The following PRKD3 variants were observed in gnomAD, a reference collection of about 807,000 sequenced individuals.
PRKD3 encodes serine/threonine-protein kinase D3.
Under a neutral mutation model 99.2 loss-of-function variants are expected in PRKD3, and 47 were observed. The observed-to-expected ratio is 0.47, with a 90% CI of 0.38 to 0.60. PRKD3 has a LOEUF of 0.60. Among genes scored for constraint, PRKD3 ranks in the 20% least tolerant of loss-of-function variants. The pLI is 0.00. For missense variants in PRKD3, 1,019 were observed against 1,088.4 expected (o/e 0.94, Z 0.90); for synonymous variants, 392 against 355.4 (o/e 1.10, Z -1.16).
chr2:37,303,936 T>C (rs1466875572), intron 2 of PRKD3, among the ~76,000 whole-genome samples: 1 of 152,108 alleles, frequency 6.6e-6, no homozygotes, highest in Non-Finnish European at 1.5e-5. Context: ...TACAGAATAT[T>C]ATCAGCATCA....
At chr2:37,257,670 AG>A (rs1303370990) in intron 16 of PRKD3, among the ~76,000 whole-genome samples, 670 of 25,926 alleles carry the variant, frequency 0.026, 25 homozygotes, top group African/African-American at 0.1. Flanking sequence ...CTGTCTCAAA[AG>A]AAAAAAAAAA....
In PRKD3 at chr2:37,260,470, G is replaced by A. The variant is rs886168123; in HGVS notation, c.1885-86C>T. The A allele has an allele frequency of 7.3e-6, 9 of 1,225,488 alleles. No individual in the cohort carries two copies. In the East Asian group the frequency reaches 2.2e-4, roughly 30 times the overall value. The allele number at this position is 1,225,488 out of a possible 1,614,324, so 75.9% of individuals were successfully genotyped here. ...TAGATGTGCTATGATTGTCTGAAAT[G>A]GCACAGAAAGAAAGCCTAGAGAAGT... is the stretch of plus-strand genomic sequence containing the variant. On this transcript the variant is annotated intron_variant, in intron 14 of 18. Transcript: ENST00000234179.
intron 5 of PRKD3, among the ~76,000 whole-genome samples, chr2:37,288,742 T>C (rs1670238905): frequency 6.6e-6 from 1 of 152,230 alleles, no homozygotes; most frequent in Admixed American, 6.5e-5. Context: ...TTAGCTGCTC[T>C]GTGTCTCAAC....
rs572943823 is a variant in PRKD3, at chr2:37,308,592, T to C, written c.288+7645A>G. ...GCCTCAGCCTCCCGAGTAGTTGGGA[T>C]TATAGGCACCTGCCACCACACCTGG... On this transcript the variant is annotated intron_variant, in intron 2 of 18. Transcript: ENST00000234179. Among the ~76,000 whole-genome samples the C allele has an allele frequency of 2.2e-5, 3 of 134,658 alleles. No individual in the cohort carries two copies. The South Asian group carries it at 7.7e-4, about 35-fold the overall frequency. 88.3% of individuals were successfully genotyped at this position (134,658 alleles called of 152,430 possible). A position where few individuals can be genotyped will look rare whatever the true frequency, so the allele number is the denominator to read the frequency against.
chr2:37,261,253 G>A (rs559073297), intron 14 of PRKD3, among the ~76,000 whole-genome samples: 30 of 150,710 alleles, frequency 2.0e-4, no homozygotes, highest in Admixed American at 3.3e-4. Flanking sequence ...TTGGGAAGCC[G>A]AGGCAGGTGG....
At chr2:37,301,609 T>C (rs1470289602) in intron 2 of PRKD3, among the ~76,000 whole-genome samples, 1 of 152,114 alleles carries the variant, frequency 6.6e-6, no homozygotes, top group Non-Finnish European at 1.5e-5. Context: ...CTTAATTACA[T>C]TTGTGACTCT....
chr2:37,270,230 GA>G (rs1004967181), intron 12 of PRKD3, among the ~76,000 whole-genome samples: 30 of 131,084 alleles, frequency 2.3e-4, no homozygotes, highest in African/African-American at 3.7e-4. Flanking sequence ...TCCATCTCAA[GA>G]AAAAAAAAAA....
intron 6 of PRKD3, among the ~76,000 whole-genome samples, chr2:37,284,442 C>G (rs1484391745): frequency 6.6e-6 from 1 of 152,122 alleles, no homozygotes; most frequent in East Asian, 1.9e-4. Context: ...CTACAAAATA[C>G]TGTACTTTTC....
chr2:37,275,232 C>T (rs1669509537), intron 10 of PRKD3, among the ~76,000 whole-genome samples: 1 of 152,038 alleles, frequency 6.6e-6, no homozygotes, highest in South Asian at 2.1e-4. Context: ...AAAAAAACAC[C>T]TGCTCAAAGC....
chr2:37,312,021 CAT>C lies in PRKD3; in HGVS notation c.288+4214_288+4215del, dbSNP rs921189515. The stretch of plus-strand genomic sequence containing the variant: ...TTTGTAAACATCCTGATCCTTGTAA[CAT>C]GTGGCCTATTGTAAAAGATTTTTTA... On this transcript the variant is annotated intron_variant, in intron 2 of 18. Coordinates refer to ENST00000234179, the MANE Select transcript of PRKD3 (RefSeq NM_005813.6). 2.2e-4 allele frequency among the ~76,000 whole-genome samples: 34 copies of C among 152,214 alleles called. 1 individual carries two copies. The highest frequency in any genetic ancestry group is 8.2e-4 in the African/African-American group (34 of 41,460).
At chr2:37,311,019 A>G (rs980169251) in intron 2 of PRKD3, among the ~76,000 whole-genome samples, 1 of 152,186 alleles carries the variant, frequency 6.6e-6, no homozygotes. Flanking sequence ...CACCACTAGG[A>G]AGCAGAATCA....
intron 8 of PRKD3, 57 bp downstream of exon 8, chr2:37,279,689 T>C (rs1669743528): frequency 1.5e-6 from 2 of 1,334,508 alleles, no homozygotes; most frequent in Non-Finnish European, 2.0e-6. Flanking sequence ...TTTTTCTTAA[T>C]GAGATCCTGA....
chr2:37,316,601 G>C lies in PRKD3; in HGVS notation c.-77C>G. The C allele has an allele frequency of 6.6e-7, 1 of 1,525,526 alleles. No homozygotes were observed. The highest frequency in any genetic ancestry group is 8.8e-7 in the Non-Finnish European group (1 of 1,141,572). 94.5% of individuals were successfully genotyped at this position (1,525,526 alleles called of 1,614,324 possible). A position where few individuals can be genotyped will look rare whatever the true frequency, so the allele number is the denominator to read the frequency against. ...TGAAGAGGTTTTTAAAATAACAGCA[G>C]TAAAGAAAATGACCGCACTTTTGGA... On this transcript the variant is annotated 5_prime_UTR_variant, in exon 2 of 19. Transcript: ENST00000234179.
intron 5 of PRKD3, among the ~76,000 whole-genome samples, chr2:37,287,262 A>AAAAAGAAAAAG (rs1670155804): frequency 1.2e-5 from 1 of 80,414 alleles, no homozygotes; most frequent in Non-Finnish European, 2.2e-5. Context: ...AAAAAAAAAA[A>AAAAAGAAAAAG]AAAAAGAAAA....
intron 14 of PRKD3, among the ~76,000 whole-genome samples, chr2:37,260,979 CT>C (rs1668393363): frequency 6.6e-6 from 1 of 152,166 alleles, no homozygotes; most frequent in Non-Finnish European, 1.5e-5. Flanking sequence ...AGCAATTTAT[CT>C]TTTGTTCTAC....
In PRKD3 at chr2:37,290,930, G is replaced by A. The variant is rs1353722459; in HGVS notation, c.497C>T (p.Thr166Ile). 1 of 1,603,540 alleles carries A rather than the reference G, an allele frequency of 6.2e-7. No individual in the cohort carries two copies. The highest frequency in any genetic ancestry group is 1.7e-5 in the Admixed American group (1 of 59,984). The change falls in exon 4 of 19, where the codon ACT (threonine) becomes ATT (isoleucine). Residue 166 changes from threonine (T) to isoleucine (I), a missense_variant. Around this residue, in one of 3 missense-constraint regions of PRKD3, gnomAD observed 710 missense variants for 692.7 expected, o/e 1.02. Coordinates refer to ENST00000234179, the MANE Select transcript of PRKD3 (RefSeq NM_005813.6). ...CATCTCACCACAGTAATCACAGAAA[G>A]TAGGAGCTTTGTAAGAATGTACATA... ...TLYVHSYKAP[T>I]FCDYCGEMLW...
At chr2:37,290,779 C>T in intron 4 of PRKD3, 89 bp downstream of exon 4, 4 of 1,392,022 alleles carry the variant, frequency 2.9e-6, no homozygotes, top group Non-Finnish European at 3.9e-6. Context: ...CCCTAGTCAA[C>T]AGCTCGTCAT....
At position 37,251,614 on chromosome 2, in the gene PRKD3, T is replaced by C. The variant is rs1667501134; in HGVS notation, c.*1563A>G. The C allele has an allele frequency of 1.3e-5, 2 of 152,178 alleles. No individual in the cohort carries two copies. The highest frequency in any genetic ancestry group is 4.8e-5 in the African/African-American group (2 of 41,396). 9.4% of individuals were successfully genotyped at this position (152,178 alleles called of 1,614,324 possible). On this transcript the variant is annotated 3_prime_UTR_variant, in exon 19 of 19. Coordinates refer to ENST00000234179, the MANE Select transcript of PRKD3 (RefSeq NM_005813.6). Reference sequence around the variant, plus strand: ...CTCAGTCTGTTCATGTACCAGAACATTCTTTTTTTTTTTTGCTACCTCAAA... The same window carrying C: ...CTCAGTCTGTTCATGTACCAGAACACTCTTTTTTTTTTTTGCTACCTCAAA...
At chr2:37,322,694 C>T (rs1671936902) in intron 1 of PRKD3, among the ~76,000 whole-genome samples, 2 of 152,128 alleles carry the variant, frequency 1.3e-5, no homozygotes, top group Non-Finnish European at 2.9e-5. Context: ...TTTTTTCCTA[C>T]ATTAAAATGA....
Sources: gnomAD v4.1 joint callset for allele counts (sites outside exome capture counted in the v4.1 genomes callset) on GRCh38, gnomAD v4.1.1 for gene constraint, gnomAD v4.1.1 regional missense constraint, MANE v1.5 for transcripts, NCBI Gene and HGNC (gene_info 2026-07-23, HGNC 2026-07-21) for gene names.